Variants in DDX17 observed in about 807,000 individuals in gnomAD.
DDX17 encodes the protein DEAD-box helicase 17, also known as probable ATP-dependent RNA helicase DDX17.
In DDX17, 10 loss-of-function variants were observed where a neutral mutation model predicts 80.8. That is an observed-to-expected ratio of 0.12 (90% CI 0.08 to 0.21). The LOEUF (loss-of-function observed/expected upper bound fraction) is 0.21, where lower values mean the gene tolerates loss of function less well. Among genes scored for constraint, DDX17 ranks in the 10% least tolerant of loss-of-function variants. The probability of loss-of-function intolerance (pLI) is 1.00; values close to 1 mark genes in which losing one functional copy is unlikely to be tolerated. For synonymous variants in DDX17, 339 were observed against 336.2 expected (o/e 1.01, Z -0.09); for missense variants, 586 against 957.4 (o/e 0.61, Z 5.12).
intron 2 of DDX17, 123 bp from the exon 3 acceptor site, chr22:38,499,622 A>T: frequency 1.4e-6 from 1 of 739,624 alleles, no homozygotes; most frequent in Admixed American, 2.2e-5. Flanking sequence ...AATAGTTTAC[A>T]TGGTACTTTC....
intron 1 of DDX17, 60 bp downstream of exon 1, chr22:38,505,891 C>G: frequency 6.6e-7 from 1 of 1,525,070 alleles, no homozygotes; most frequent in Admixed American, 2.1e-5. Context: ...CGCCGGGCCT[C>G]CCCAAGAAGC....
In DDX17 at chr22:38,483,665, A is replaced by G. The variant is rs931363040; in HGVS notation, c.*2270T>C. On this transcript the variant is annotated 3_prime_UTR_variant, in exon 13 of 13. Coordinates refer to ENST00000403230, the MANE Select transcript of DDX17 (RefSeq NM_006386.5). Reference sequence around the variant, plus strand: ...CAAGCAAAAGCCACTAACCTTTTAGATGAGAAGTCCACACAACGAATTGTT... The same window carrying G: ...CAAGCAAAAGCCACTAACCTTTTAGGTGAGAAGTCCACACAACGAATTGTT... 1 of 152,628 alleles carries G rather than the reference A, an allele frequency of 6.6e-6. No individual in the cohort carries two copies. Among genetic ancestry groups the G allele is most frequent in the African/African-American group, 2.4e-5 (1 of 41,460 alleles). 9.5% of individuals were successfully genotyped at this position (152,628 alleles called of 1,614,324 possible).
In DDX17 at chr22:38,498,590, T is replaced by G; in HGVS notation, c.539-17A>C. Reference sequence around the variant, plus strand: ...TTACATATTCTGTAAGAGAATTTTATTTTGCGTATTTTATTGTGTTTAAAG... The same window carrying G: ...TTACATATTCTGTAAGAGAATTTTAGTTTGCGTATTTTATTGTGTTTAAAG... On this transcript the variant is annotated splice_polypyrimidine_tract_variant and intron_variant, in intron 3 of 12. Coordinates refer to ENST00000403230, the MANE Select transcript of DDX17 (RefSeq NM_006386.5). The G allele has an allele frequency of 6.2e-7, 1 of 1,612,738 alleles. No homozygotes were observed. The highest frequency in any genetic ancestry group is 8.5e-7 in the Non-Finnish European group (1 of 1,178,872).
Position 38,486,448 on chromosome 22 carries a change from G to T in DDX17, c.1685-8C>A. On this transcript the variant is annotated splice_polypyrimidine_tract_variant and splice_region_variant and intron_variant, in intron 12 of 12. Coordinates refer to ENST00000403230, the MANE Select transcript of DDX17 (RefSeq NM_006386.5). ...GGTAACGAGAACGACCACCTAATGG[G>T]AAGATACAAGAAGATTTTTAATGGC... is the stretch of plus-strand genomic sequence containing the variant. 6.3e-7 allele frequency: 1 copy of T among 1,578,902 alleles called. No homozygotes were observed. Among genetic ancestry groups the T allele is most frequent in the Non-Finnish European group, 8.6e-7 (1 of 1,162,196 alleles).
In DDX17 at chr22:38,485,692, ATAT is replaced by A. The variant is rs1230239203; in HGVS notation, c.*240_*242del. 10 of 64,008 alleles carry A rather than the reference ATAT, an allele frequency of 1.6e-4. No individual in the cohort carries two copies. The highest frequency in any genetic ancestry group is 6.6e-3 in the Middle Eastern group (1 of 152). The allele number at this position is 64,008 out of a possible 1,614,324, so 4.0% of individuals were successfully genotyped here. ...TCCAGTCAGCTATATATATATATATATATTTTTTTTTTTTTTACAAAATGTTAT... is the reference window on the plus strand; with the variant it reads ...TCCAGTCAGCTATATATATATATATATTTTTTTTTTTTTACAAAATGTTAT... On this transcript the variant is annotated 3_prime_UTR_variant, in exon 13 of 13. Coordinates refer to ENST00000403230, the MANE Select transcript of DDX17 (RefSeq NM_006386.5).
Position 38,485,822 on chromosome 22 carries a change from A to AC in DDX17, c.*112_*113insG. 1 of 1,388,950 alleles carries AC rather than the reference A, an allele frequency of 7.2e-7. No individual in the cohort carries two copies. The highest frequency in any genetic ancestry group is 9.4e-7 in the Non-Finnish European group (1 of 1,068,036). The allele number at this position is 1,388,950 out of a possible 1,614,324, so 86.0% of individuals were successfully genotyped here. ...CGATGGTTGGGGGGAAAAATTAAAAAAAAAAAAAGAAAAAAGGAAAAAAAA... is the reference window on the plus strand; with the variant it reads ...CGATGGTTGGGGGGAAAAATTAAAAACAAAAAAAAGAAAAAAGGAAAAAAAA... On this transcript the variant is annotated 3_prime_UTR_variant, in exon 13 of 13. Transcript: ENST00000403230.
At chr22:38,499,707 C>T (rs548767926) in intron 2 of DDX17, among the ~76,000 whole-genome samples, 18 of 152,188 alleles carry the variant, frequency 1.2e-4, no homozygotes, top group Admixed American at 2.6e-4. Flanking sequence ...ATTAAGAGTT[C>T]CATTTTCTAT....
At position 38,486,284 on chromosome 22, in the gene DDX17, G is replaced by A. The variant is rs1051906984; in HGVS notation, c.1841C>T (p.Ala614Val). The A allele has an allele frequency of 6.2e-7, 1 of 1,614,200 alleles. No individual in the cohort carries two copies. The highest frequency in any genetic ancestry group is 8.5e-7 in the Non-Finnish European group (1 of 1,180,044). ...TGGACTTCCATAGCCACTGCCATTA[G>A]CATAACCAGCTCTATCGGTTTCACT... is the stretch of plus-strand genomic sequence containing the variant. The change falls in exon 13 of 13, where the codon GCT becomes GTT. Residue 614 changes from alanine to valine, a missense_variant. Transcript: ENST00000403230.
chr22:38,488,932 C>T, intron 11 of DDX17: 1 of 985,280 alleles, frequency 1.0e-6, no homozygotes, highest in Non-Finnish European at 1.2e-6. Context: ...AATTAATAGC[C>T]AAAGAACGTG....
chr22:38,495,786 A>AT lies in DDX17; in HGVS notation c.880+9dup, dbSNP rs753326890. The AT allele has an allele frequency of 6.3e-7, 1 of 1,579,868 alleles. No individual in the cohort carries two copies. Among genetic ancestry groups the AT allele is most frequent in the Admixed American group, 1.8e-5 (1 of 54,608 alleles). The stretch of plus-strand genomic sequence containing the variant: ...TAAACTAACAATTCTTTTACACTAT[A>AT]TATTATTACCTCTTTCCAAGTCTCG... On this transcript the variant is annotated intron_variant, in intron 6 of 12. Transcript: ENST00000403230.
intron 11 of DDX17, chr22:38,488,489 G>T: frequency 9.2e-7 from 1 of 1,085,188 alleles, no homozygotes; most frequent in Non-Finnish European, 1.1e-6. Context: ...AGAACAAAGT[G>T]GTAAACCACT....
At chr22:38,502,988 CG>C (rs2145711880) in intron 1 of DDX17, among the ~76,000 whole-genome samples, 1 of 152,268 alleles carries the variant, frequency 6.6e-6, no homozygotes, top group African/African-American at 2.4e-5. Flanking sequence ...TAAATACATA[CG>C]TAACAAAAAT....
At chr22:38,495,665 C>G in intron 6 of DDX17, 131 bp downstream of exon 6, 1 of 697,258 alleles carries the variant, frequency 1.4e-6, no homozygotes, top group East Asian at 2.9e-5. Flanking sequence ...CTGTTTTAGT[C>G]ACATCTGAGA....
At chr22:38,490,520 T>C (rs745469174) in intron 11 of DDX17, 16 of 1,160,402 alleles carry the variant, frequency 1.4e-5, no homozygotes, top group South Asian at 2.6e-5. Flanking sequence ...AAATAAAAAA[T>C]ATCCCAGTGG....
intron 1 of DDX17, among the ~76,000 whole-genome samples, chr22:38,503,682 T>C (rs190218013): frequency 7.2e-4 from 109 of 152,368 alleles, no homozygotes; most frequent in Non-Finnish European, 1.4e-3. Flanking sequence ...CAGTAATTAG[T>C]TTAATTTGGC....
intron 12 of DDX17, 44 bp from the exon 13 acceptor site, chr22:38,486,484 C>A: frequency 1.3e-6 from 2 of 1,514,410 alleles, no homozygotes; most frequent in Non-Finnish European, 1.8e-6. Context: ...AGATATAGGA[C>A]CTAAACATAA....
At chr22:38,497,297 C>CAA (rs138448) in intron 5 of DDX17, among the ~76,000 whole-genome samples, 18,113 of 36,290 alleles carry the variant, frequency 0.5, 5,580 homozygotes, top group Non-Finnish European at 0.55. Context: ...AACTCCATCT[C>CAA]AAAAAAAAAA....
chr22:38,497,897 AGCTCAGCT>A (rs1310383900), intron 5 of DDX17, among the ~76,000 whole-genome samples, 180 bp downstream of exon 5: 1 of 152,216 alleles, frequency 6.6e-6, no homozygotes, highest in Non-Finnish European at 1.5e-5. Flanking sequence ...TTCAAATGTA[AGCTCAGCT>A]ATTCAATTGC....
At chr22:38,501,322 G>C in intron 1 of DDX17, 42 bp from the exon 2 acceptor site, 1 of 1,588,470 alleles carries the variant, frequency 6.3e-7, no homozygotes, top group Non-Finnish European at 8.6e-7. Context: ...TATTTTTAAA[G>C]CAACGTATCG....
Sources: allele counts gnomAD v4.1 joint callset (sites outside exome capture counted in the v4.1 genomes callset), GRCh38; gene constraint gnomAD v4.1.1; transcripts MANE v1.5; gene names NCBI Gene and HGNC (gene_info 2026-07-23, HGNC 2026-07-21).